Variants in RGS6 observed in about 807,000 individuals in gnomAD.
RGS6 encodes regulator of G protein signaling 6.
RGS6 carries 30 observed loss-of-function variants against 78.5 expected under a neutral mutation model. The observed-to-expected ratio is 0.38, with a 90% CI of 0.29 to 0.52. The LOEUF (loss-of-function observed/expected upper bound fraction) is 0.52, where lower values mean the gene tolerates loss of function less well. RGS6 is among the 20% of genes least tolerant of loss of function. RGS6 has a pLI of 0.85. For missense variants in RGS6, 495 were observed against 609.7 expected (o/e 0.81, Z 1.98); for synonymous variants, 206 against 206.0 (o/e 1.00, Z 0.00).
chr14:72,036,087 G>C (rs181652132), intron 2 of RGS6, among the ~76,000 whole-genome samples: 8 of 151,996 alleles, frequency 5.3e-5, no homozygotes, highest in African/African-American at 1.9e-4. Flanking sequence ...CCAAAGTTTT[G>C]TCTTTTCCAC....
the RGS6 span, among the ~76,000 whole-genome samples, chr14:71,890,358 C>CAGACAGAG: frequency 0.037 from 4,898 of 133,058 alleles, 171 homozygotes; most frequent in East Asian, 0.18. Flanking sequence ...GTGCATAAGA[C>CAGACAGAG]AGAGAGAGAG....
chr14:72,077,266 C>T (rs1191093800), intron 2 of RGS6, among the ~76,000 whole-genome samples: 1 of 151,970 alleles, frequency 6.6e-6, no homozygotes, highest in African/African-American at 2.4e-5. Context: ...AATAGTTTTG[C>T]TAACTTGTCC....
At chr14:71,962,139 C>T (rs1184607262) in intron 1 of RGS6, among the ~76,000 whole-genome samples, 1 of 152,092 alleles carries the variant, frequency 6.6e-6, no homozygotes, top group Non-Finnish European at 1.5e-5. Context: ...ATAGAGGAAC[C>T]AAAAATAGAA....
rs192340417 is a variant in RGS6 at position 72,282,939 on chromosome 14, A to T, written c.85-69156A>T. On this transcript the variant is annotated intron_variant, in intron 2 of 17. Transcript: ENST00000553525. ...CAGTAATAACTCCCTATCTCTCCCT[A>T]CCCCCAGCCCCTGGCAACCACGATT... Among the ~76,000 whole-genome samples, 23 of 151,674 alleles carry T rather than the reference A, an allele frequency of 1.5e-4. No individual in the cohort carries two copies. The East Asian group carries it at 4.1e-3, about 27-fold the overall frequency.
At chr14:72,461,045 C>A (rs2095765146) in intron 6 of RGS6, among the ~76,000 whole-genome samples, 1 of 152,084 alleles carries the variant, frequency 6.6e-6, no homozygotes, top group African/African-American at 2.4e-5. Context: ...GGCCCTCTGA[C>A]ACTGTGCTGC....
intron 2 of RGS6, among the ~76,000 whole-genome samples, chr14:72,001,699 G>C (rs2083468899): frequency 1.3e-5 from 2 of 152,088 alleles, no homozygotes; most frequent in Admixed American, 1.3e-4. Context: ...TGAAATGGAT[G>C]CTAGAAGAGA....
At chr14:72,468,963 A>G (rs889348074) in intron 7 of RGS6, among the ~76,000 whole-genome samples, 1 of 152,160 alleles carries the variant, frequency 6.6e-6, no homozygotes, top group Non-Finnish European at 1.5e-5. Flanking sequence ...TGTTGGCATG[A>G]GCTCTATGAA....
intron 2 of RGS6, among the ~76,000 whole-genome samples, chr14:72,097,146 T>C (rs1050038936): frequency 6.6e-6 from 1 of 152,172 alleles, no homozygotes; most frequent in East Asian, 1.9e-4. Flanking sequence ...CAAAAAGAAG[T>C]AAACATTAAC....
intron 2 of RGS6, among the ~76,000 whole-genome samples, chr14:72,275,782 G>A (rs983507988): frequency 4.6e-5 from 7 of 152,258 alleles, no homozygotes; most frequent in South Asian, 2.1e-4. Context: ...TTAATTCCTT[G>A]CCTATATGTA....
In RGS6 at chr14:72,000,398, T is replaced by C. The variant is rs369605792; in HGVS notation, c.84+35523T>C. Among the ~76,000 whole-genome samples, 66 of 152,096 alleles carry C rather than the reference T, an allele frequency of 4.3e-4. 1 individual carries two copies. The South Asian group carries it at 0.014, about 31-fold the overall frequency. On this transcript the variant is annotated intron_variant, in intron 2 of 17. Transcript: ENST00000553525. ...ATGGGAGCTTGTTTTGTGGGTAAAGTAATGGGCCCCATCTTGGATATGAGG... is the reference window on the plus strand; with the variant it reads ...ATGGGAGCTTGTTTTGTGGGTAAAGCAATGGGCCCCATCTTGGATATGAGG...
chr14:72,537,431 G>A lies in RGS6; in HGVS notation c.1368+1156G>A, dbSNP rs1462680594. 11 of 701,820 alleles carry A rather than the reference G, an allele frequency of 1.6e-5. No individual in the cohort carries two copies. In the Middle Eastern group the frequency reaches 9.2e-4, roughly 59 times the overall value. The allele number at this position is 701,820 out of a possible 1,614,324, so 43.5% of individuals were successfully genotyped here. On this transcript the variant is annotated intron_variant, in intron 16 of 17. Coordinates refer to ENST00000553525, the MANE Select transcript of RGS6 (RefSeq NM_001204424.2). ...CTGCCCTTGTGTAGCCCTGGAAAGA[G>A]GCCATGGAGTCTGAGAAAGGAAAGA...
chr14:72,398,332 T>C (rs2091810258), intron 3 of RGS6, among the ~76,000 whole-genome samples: 1 of 152,258 alleles, frequency 6.6e-6, no homozygotes, highest in South Asian at 2.1e-4. Context: ...TTCTAGTTTA[T>C]TTGCATAGAG....
chr14:72,391,277 A>T (rs773001877), intron 3 of RGS6, among the ~76,000 whole-genome samples: 94 of 152,334 alleles, frequency 6.2e-4, no homozygotes, highest in Non-Finnish European at 9.7e-4. Flanking sequence ...ATTCAACACC[A>T]TATTGTGATT....
chr14:72,288,455 C>G (rs759858644), intron 2 of RGS6, among the ~76,000 whole-genome samples: 11 of 152,170 alleles, frequency 7.2e-5, no homozygotes, highest in Non-Finnish European at 1.5e-4. Context: ...GGGCTACCCC[C>G]ACAGGTAGCA....
At chr14:72,382,533 G>A (rs1018598331) in intron 3 of RGS6, among the ~76,000 whole-genome samples, 2 of 152,198 alleles carry the variant, frequency 1.3e-5, no homozygotes, top group Admixed American at 1.3e-4. Flanking sequence ...AAACGTTGTG[G>A]TGATGCCTAT....
chr14:72,519,862 A>G (rs1042881856), intron 15 of RGS6, among the ~76,000 whole-genome samples: 1 of 152,210 alleles, frequency 6.6e-6, no homozygotes, highest in African/African-American at 2.4e-5. Flanking sequence ...ATGAAACACA[A>G]GAAGAGGGAT....
At chr14:71,927,859 C>CGT (rs2087740154), upstream of RGS6, among the ~76,000 whole-genome samples, 2 of 151,830 alleles carry the variant, frequency 1.3e-5, no homozygotes, top group Admixed American at 6.6e-5. Flanking sequence ...GGGGTTTCAC[C>CGT]GTGTTAGCCA....
intron 2 of RGS6, among the ~76,000 whole-genome samples, chr14:72,160,984 A>G (rs899741876): frequency 1.3e-5 from 2 of 152,226 alleles, no homozygotes; most frequent in African/African-American, 4.8e-5. Flanking sequence ...AAGACTTGGA[A>G]CCAATCCAAA....
intron 2 of RGS6, among the ~76,000 whole-genome samples, chr14:72,244,743 C>A (rs1368565281): frequency 6.6e-6 from 1 of 152,164 alleles, no homozygotes; most frequent in Non-Finnish European, 1.5e-5. Flanking sequence ...GAAGCTAAGA[C>A]CATGTATGCC....
Sources: gnomAD v4.1 joint callset for allele counts (sites outside exome capture counted in the v4.1 genomes callset) on GRCh38, gnomAD v4.1.1 for gene constraint, MANE v1.5 for transcripts, NCBI Gene and HGNC (gene_info 2026-07-23, HGNC 2026-07-21) for gene names.